GRIN3B: variants seen among roughly 807,000 people sequenced by gnomAD.
GRIN3B encodes glutamate ionotropic receptor NMDA type subunit 3B.
A neutral mutation model predicts 66.0 loss-of-function variants in GRIN3B; 77 were observed. That is an observed-to-expected ratio of 1.17 (90% CI 0.97 to 1.41). The LOEUF (loss-of-function observed/expected upper bound fraction) is 1.41, where lower values mean the gene tolerates loss of function less well. GRIN3B is among the 40% of genes most tolerant of loss of function. The probability of loss-of-function intolerance (pLI) is 0.00; values close to 1 mark genes in which losing one functional copy is unlikely to be tolerated. For synonymous variants in GRIN3B, 823 were observed against 749.7 expected (o/e 1.10, Z -1.60); for missense variants, 1,787 against 1,564.5 (o/e 1.14, Z -2.40).
At position 1,003,653 on chromosome 19, in the gene GRIN3B, TC is replaced by T; in HGVS notation, c.954del (p.Ala319ProfsTer38). The stretch of plus-strand genomic sequence containing the variant: ...CAGGTGCAGCCGAAGCGAGCCCTCC[TC>T]CCCGCCCCGGTCAACTGCGGGGACC... The part of the protein sequence containing the change: ...AAQVQPKRAL[L>X]PAPVNCGDLQ... On this transcript the variant is annotated frameshift_variant, in exon 2 of 9. Transcript: ENST00000234389. LOFTEE classifies it high-confidence loss of function. The T allele has an allele frequency of 1.4e-6, 2 of 1,413,428 alleles. No homozygotes were observed. Among genetic ancestry groups the T allele is most frequent in the Non-Finnish European group, 9.2e-7 (1 of 1,089,860 alleles). The allele number at this position is 1,413,428 out of a possible 1,614,324, so 87.6% of individuals were successfully genotyped here. A position where few individuals can be genotyped will look rare whatever the true frequency, so the allele number is the denominator to read the frequency against.
At position 1,009,667 on chromosome 19, in the gene GRIN3B, A is replaced by T; in HGVS notation, c.*65A>T. 1 of 1,248,352 alleles carries T rather than the reference A, an allele frequency of 8.0e-7. No individual in the cohort carries two copies. The highest frequency in any genetic ancestry group is 1.0e-6 in the Non-Finnish European group (1 of 963,760). The allele number at this position is 1,248,352 out of a possible 1,614,324, so 77.3% of individuals were successfully genotyped here. A position where few individuals can be genotyped will look rare whatever the true frequency, so the allele number is the denominator to read the frequency against. On this transcript the variant is annotated 3_prime_UTR_variant, in exon 9 of 9. Coordinates refer to ENST00000234389, the MANE Select transcript of GRIN3B (RefSeq NM_138690.3). ...GCGCAGTGAGCCGCTGTCAACAGACAGTTTATTCTATATACAAACACAATT... is the reference window on the plus strand; with the variant it reads ...GCGCAGTGAGCCGCTGTCAACAGACTGTTTATTCTATATACAAACACAATT...
In GRIN3B at chr19:1,007,876, A is replaced by G; in HGVS notation, c.2219A>G (p.Asn740Ser). The change falls in exon 5 of 9, where the codon AAC (asparagine) becomes AGC (serine). Residue 740 changes from asparagine to serine, a missense_variant. Coordinates refer to ENST00000234389, the MANE Select transcript of GRIN3B (RefSeq NM_138690.3). The surrounding 1 kb of genome is among the most constrained non-coding windows in gnomAD (Gnocchi z 4.4). ...AMLTSDPPKLNAFIMDKSLLD... is the reference protein window; with the variant it reads ...AMLTSDPPKLSAFIMDKSLLD... ...AGCAGGAGCGACCCCCCCAAGCTCA[A>G]CGCCTTCATCATGGACAAGTCGCTC... 6.2e-7 allele frequency: 1 copy of G among 1,611,020 alleles called. No individual in the cohort carries two copies. The highest frequency in any genetic ancestry group is 1.1e-5 in the South Asian group (1 of 91,046).
chr19:1,009,126 G>C (rs998046207), intron 8 of GRIN3B, 47 bp from the exon 9 acceptor site: 2 of 1,441,438 alleles, frequency 1.4e-6, no homozygotes, highest in Admixed American at 5.6e-5. Flanking sequence ...CCCAGGGCGC[G>C]AGACGGCTGC....
intron 5 of GRIN3B, 68 bp downstream of exon 5, chr19:1,008,039 A>T: frequency 1.3e-6 from 2 of 1,585,204 alleles, no homozygotes; most frequent in South Asian, 2.2e-5. Context: ...GTGGGGAGCC[A>T]CGGAGGGTTC....
In GRIN3B at chr19:1,005,251, G is replaced by A; in HGVS notation, c.1750G>A (p.Ala584Thr). 2 of 1,613,338 alleles carry A rather than the reference G, an allele frequency of 1.2e-6. No individual in the cohort carries two copies. The highest frequency in any genetic ancestry group is 2.2e-5 in the South Asian group (2 of 91,082). Residue 584 changes from alanine to threonine, a missense_variant, in exon 3 of 9, where the codon GCC becomes ACC. By Grantham distance (58) the Ala-to-Thr change is moderately conservative. Coordinates refer to ENST00000234389, the MANE Select transcript of GRIN3B (RefSeq NM_138690.3). This position sits in a 1 kb window ranked among gnomAD's most constrained non-coding sequence, Gnocchi z 5.2. ...HWSTWLGVFA[A>T]LHLTALFLTV... is the part of the protein sequence containing the mutation. ...GTCCACGTGGCTGGGCGTCTTTGCG[G>A]CCCTGCACCTCACCGCGCTCTTCCT...
In GRIN3B at chr19:1,007,068, T is replaced by C. The variant is rs1272979895; in HGVS notation, c.2053-560T>C. On this transcript the variant is annotated intron_variant, in intron 3 of 8. Coordinates refer to ENST00000234389, the MANE Select transcript of GRIN3B (RefSeq NM_138690.3). The surrounding 1 kb of genome is among the most constrained non-coding windows in gnomAD (Gnocchi z 4.4). Reference sequence around the variant, plus strand: ...GGCCTGGGCTGGTCGAGGATGTTGATGGGGAAGGAGGCTGGGTTCGACGCT... The same window carrying C: ...GGCCTGGGCTGGTCGAGGATGTTGACGGGGAAGGAGGCTGGGTTCGACGCT... Among the ~76,000 whole-genome samples, 2 of 151,980 alleles carry C rather than the reference T, an allele frequency of 1.3e-5. No individual in the cohort carries two copies. The highest frequency in any genetic ancestry group is 1.9e-4 in the East Asian group (1 of 5,184).
Position 1,000,673 on chromosome 19 carries a change from C to T in GRIN3B, c.236C>T (p.Pro79Leu), listed in dbSNP as rs1180329473. ...AGCTTGGAGCTGGTGGTCGCCGCGC[C>T]CCCCGCCCGCGACCCCGCCTCGCTG... ...NLSLELVVAAPPARDPASLTR... is the reference protein window; with the variant it reads ...NLSLELVVAALPARDPASLTR... The change falls in exon 1 of 9, where the codon CCC becomes CTC. Residue 79 changes from proline (P) to leucine (L), a missense_variant. Coordinates refer to ENST00000234389, the MANE Select transcript of GRIN3B (RefSeq NM_138690.3). The T allele has an allele frequency of 3.7e-6, 5 of 1,341,852 alleles. No individual in the cohort carries two copies. The highest frequency in any genetic ancestry group is 3.2e-5 in the Admixed American group (1 of 31,558). The allele number at this position is 1,341,852 out of a possible 1,614,324, so 83.1% of individuals were successfully genotyped here.
At position 1,007,562 on chromosome 19, in the gene GRIN3B, G is replaced by T; in HGVS notation, c.2053-66G>T. Reference sequence around the variant, plus strand: ...CAGGACGGCCCCACCCCGGAGAACGGCGCGCCCCTCAATGGTCAGGGGTCC... The same window carrying T: ...CAGGACGGCCCCACCCCGGAGAACGTCGCGCCCCTCAATGGTCAGGGGTCC... On this transcript the variant is annotated intron_variant, in intron 3 of 8. Coordinates refer to ENST00000234389, the MANE Select transcript of GRIN3B (RefSeq NM_138690.3). The surrounding 1 kb of genome is among the most constrained non-coding windows in gnomAD (Gnocchi z 4.4). 1 of 1,369,066 alleles carries T rather than the reference G, an allele frequency of 7.3e-7. No individual in the cohort carries two copies. Among genetic ancestry groups the T allele is most frequent in the South Asian group, 1.6e-5 (1 of 60,726 alleles). The allele number at this position is 1,369,066 out of a possible 1,614,324, so 84.8% of individuals were successfully genotyped here.
At chr19:1,004,370 G>A (rs1568390278) in intron 2 of GRIN3B, 151 bp from the exon 3 acceptor site, 2 of 684,356 alleles carry the variant, frequency 2.9e-6, no homozygotes, top group Non-Finnish European at 4.9e-6. Context: ...TTAGGCTTGG[G>A]GACTAGGCTT....
intron 8 of GRIN3B, 23 bp from the exon 9 acceptor site, chr19:1,009,150 G>T: frequency 6.9e-7 from 1 of 1,452,768 alleles, no homozygotes; most frequent in South Asian, 1.4e-5. Context: ...GGCGGACACT[G>T]ACCAGGCCGG....
In GRIN3B at chr19:1,009,361, G is replaced by A. The variant is rs1245848928; in HGVS notation, c.2891G>A (p.Cys964Tyr). 1 of 1,381,172 alleles carries A rather than the reference G, an allele frequency of 7.2e-7. No homozygotes were observed. The highest frequency in any genetic ancestry group is 9.3e-7 in the Non-Finnish European group (1 of 1,076,344). The allele number at this position is 1,381,172 out of a possible 1,614,324, so 85.6% of individuals were successfully genotyped here. A position where few individuals can be genotyped will look rare whatever the true frequency, so the allele number is the denominator to read the frequency against. The change falls in exon 9 of 9, where the codon TGC becomes TAC. Residue 964 changes from cysteine to tyrosine, a missense_variant. Cys to Tyr is a radical substitution (Grantham distance 194, BLOSUM62 -2). Transcript: ENST00000234389. ...AAPREGPVWL[C>Y]SYGRPPAARP... ...CCGCGAGAGGGCCCCGTCTGGCTGT[G>A]CTCCTACGGCCGCCCGCCCGCCGCA...
chr19:1,001,321 G>A (rs900109667), intron 1 of GRIN3B, among the ~76,000 whole-genome samples: 1 of 151,890 alleles, frequency 6.6e-6, no homozygotes, highest in African/African-American at 2.4e-5. Context: ...GTGCAGTTTC[G>A]GGGTCTGCAG....
Position 1,008,709 on chromosome 19 carries a change from A to G in GRIN3B, c.2558A>G (p.His853Arg). The change falls in exon 7 of 9, where the codon CAC becomes CGC. Residue 853 changes from histidine to arginine, a missense_variant. By Grantham distance (29) the His-to-Arg change is conservative. Coordinates refer to ENST00000234389, the MANE Select transcript of GRIN3B (RefSeq NM_138690.3). ...GSALLSSLGE[H>R]AFFRLALPRI... ...GCTCTGCTCAGCTCGCTGGGCGAGC[A>G]CGCCTTCTTCCGCCTGGCGCTGCCG... The G allele has an allele frequency of 6.2e-7, 1 of 1,608,590 alleles. No individual in the cohort carries two copies. The highest frequency in any genetic ancestry group is 8.5e-7 in the Non-Finnish European group (1 of 1,179,474).
In GRIN3B at chr19:1,008,872, C is replaced by T. The variant is rs181691646; in HGVS notation, c.2647C>T (p.Leu883Phe). 2.0e-5 allele frequency: 33 copies of T among 1,610,354 alleles called. No homozygotes were observed. Among genetic ancestry groups the T allele is most frequent in the Non-Finnish European group, 2.8e-5 (33 of 1,178,738 alleles). ...GGGGTCTTAGAAAATCCACCGCGCC[C>T]TCAACACGGAGCCACCAGAGGGGTC... Reference protein sequence around the residue: ...LHTSQKIHRALNTEPPEGSKE... With the variant: ...LHTSQKIHRAFNTEPPEGSKE... Residue 883 changes from leucine (L) to phenylalanine (F), a missense_variant, in exon 8 of 9, where the codon CTC (leucine) becomes TTC (phenylalanine). By Grantham distance (22) the Leu-to-Phe change is conservative. Transcript: ENST00000234389.
Position 1,003,550 on chromosome 19 carries a change from G to T in GRIN3B, c.847G>T (p.Glu283Ter), listed in dbSNP as rs1207075456. The T allele has an allele frequency of 1.3e-6, 2 of 1,517,254 alleles. No homozygotes were observed. The highest frequency in any genetic ancestry group is 1.4e-5 in the African/African-American group (1 of 70,458). 94.0% of individuals were successfully genotyped at this position (1,517,254 alleles called of 1,614,324 possible). A position where few individuals can be genotyped will look rare whatever the true frequency, so the allele number is the denominator to read the frequency against. Reference protein sequence around the residue: ...GLPPGLLALGEVARPPLEAAI... With the variant: ...GLPPGLLALG Reference sequence around the variant, plus strand: ...GCCACCAGGGCTGCTGGCGCTGGGCGAGGTGGCACGACCCCCGCTGGAGGC... The same window carrying T: ...GCCACCAGGGCTGCTGGCGCTGGGCTAGGTGGCACGACCCCCGCTGGAGGC... Residue 283 changes from glutamate to a stop codon, truncating the protein, a stop_gained, in exon 2 of 9, where the codon GAG becomes TAG. Coordinates refer to ENST00000234389, the MANE Select transcript of GRIN3B (RefSeq NM_138690.3). LOFTEE classifies it high-confidence loss of function.
Position 1,009,047 on chromosome 19 carries a change from G to A in GRIN3B, c.2702+120G>A. On this transcript the variant is annotated intron_variant, in intron 8 of 8. Transcript: ENST00000234389. ...CCCGGAGGTCCCCCGCCCACCCCCG[G>A]ACGTGCACACCGTGGCTCCCTGGTT... The A allele has an allele frequency of 2.1e-6, 3 of 1,459,278 alleles. No individual in the cohort carries two copies. The South Asian group carries it at 3.9e-5, about 19-fold the overall frequency. 90.4% of individuals were successfully genotyped at this position (1,459,278 alleles called of 1,614,324 possible).
At chr19:1,004,406 G>C in intron 2 of GRIN3B, 115 bp from the exon 3 acceptor site, 1 of 907,132 alleles carries the variant, frequency 1.1e-6, no homozygotes, top group Non-Finnish European at 1.7e-6. Flanking sequence ...GTCCACGTTT[G>C]TCCTCATGAT....
rs2038819304 is a variant in GRIN3B, at chr19:1,009,456, C to T, written c.2986C>T (p.Arg996Trp). The change falls in exon 9 of 9, where the codon CGG becomes TGG. Residue 996 changes from arginine (R) to tryptophan (W), a missense_variant. Transcript: ENST00000234389. Reference protein sequence around the residue: ...LERRIEVARERLRQALVRRGQ... With the variant: ...LERRIEVAREWLRQALVRRGQ... The stretch of plus-strand genomic sequence containing the variant: ...GCGCCGCATCGAAGTCGCGCGTGAG[C>T]GGCTCCGCCAGGCCCTGGTGCGGCG... 1.4e-6 allele frequency: 2 copies of T among 1,474,926 alleles called. No individual in the cohort carries two copies. The highest frequency in any genetic ancestry group is 2.3e-5 in the Admixed American group (1 of 42,638). 91.4% of individuals were successfully genotyped at this position (1,474,926 alleles called of 1,614,324 possible).
At position 1,005,227 on chromosome 19, in the gene GRIN3B, T is replaced by G; in HGVS notation, c.1726T>G (p.Ser576Ala). The G allele has an allele frequency of 6.2e-7, 1 of 1,613,244 alleles. No individual in the cohort carries two copies. The highest frequency in any genetic ancestry group is 8.5e-7 in the Non-Finnish European group (1 of 1,179,830). The change falls in exon 3 of 9, where the codon TCC (serine) becomes GCC (alanine). Residue 576 changes from serine (S) to alanine (A), a missense_variant. By Grantham distance (99) the Ser-to-Ala change is moderately conservative. Coordinates refer to ENST00000234389, the MANE Select transcript of GRIN3B (RefSeq NM_138690.3). The surrounding 1 kb of genome is among the most constrained non-coding windows in gnomAD (Gnocchi z 5.2). ...IGAFMWPLHW[S>A]TWLGVFAALH... is the part of the protein sequence containing the mutation. The stretch of plus-strand genomic sequence containing the variant: ...TGCCTTTATGTGGCCCCTGCACTGG[T>G]CCACGTGGCTGGGCGTCTTTGCGGC...
Sources: allele counts gnomAD v4.1 joint callset (sites outside exome capture counted in the v4.1 genomes callset), GRCh38; gene constraint gnomAD v4.1.1; non-coding constraint Gnocchi (gnomAD v3.1); transcripts MANE v1.5; gene names NCBI Gene and HGNC (gene_info 2026-07-23, HGNC 2026-07-21).